The following DERA variants were observed in gnomAD, a reference collection of about 807,000 sequenced individuals.
The protein encoded by DERA is 2-deoxy-D-ribose 5-phosphate aldolase.
Under a neutral mutation model 41.1 loss-of-function variants are expected in DERA, and 15 were observed. The observed-to-expected ratio is 0.37, with a 90% CI of 0.24 to 0.56. DERA has a LOEUF of 0.56. Among genes scored for constraint, DERA ranks in the 20% least tolerant of loss-of-function variants. DERA has a pLI of 0.81. For missense variants in DERA, 396 were observed against 403.4 expected, an observed-to-expected ratio of 0.98 and a Z score of 0.16; for synonymous variants, 139 against 137.4, an observed-to-expected ratio of 1.01 and a Z score of -0.08.
intron 1 of DERA, among the ~76,000 whole-genome samples, chr12:15,949,561 G>A (rs1032136315): frequency 2.0e-5 from 3 of 152,226 alleles, no homozygotes; most frequent in African/African-American, 7.2e-5. Flanking sequence ...CACAGTGTTA[G>A]GGTGGGAGTG....
rs1565588575 is a variant in DERA at position 15,936,880 on chromosome 12, CTTGT to C, written c.32-20055_32-20052del. 4.1e-5 allele frequency among the ~76,000 whole-genome samples: 6 copies of C among 144,660 alleles called. No individual in the cohort carries two copies. The highest frequency in any genetic ancestry group is 1.6e-4 in the African/African-American group (6 of 37,486). The allele number at this position is 144,660 out of a possible 152,430, so 94.9% of individuals were successfully genotyped here. A position where few individuals can be genotyped will look rare whatever the true frequency, so the allele number is the denominator to read the frequency against. On this transcript the variant is annotated intron_variant, in intron 1 of 8. Transcript: ENST00000428559. The surrounding 1 kb of genome is among the most constrained non-coding windows in gnomAD (Gnocchi z 4.6). The stretch of plus-strand genomic sequence containing the variant: ...CTTGTCTTGTCTTGTCTTGTCTTGT[CTTGT>C]CTTGTCCTGTCCTGTCCTGTCCTGT...
intron 6 of DERA, among the ~76,000 whole-genome samples, chr12:16,018,180 G>T (rs1463931317): frequency 6.6e-6 from 1 of 151,902 alleles, no homozygotes; most frequent in African/African-American, 2.4e-5. Context: ...TACTACTTTG[G>T]TCTTAATACT....
Position 16,019,872 on chromosome 12 carries a change from C to T in DERA, c.638-12670C>T, listed in dbSNP as rs556730541. Among the ~76,000 whole-genome samples the T allele has an allele frequency of 6.6e-6, 1 of 152,244 alleles. No individual in the cohort carries two copies. The highest frequency in any genetic ancestry group is 1.9e-4 in the East Asian group (1 of 5,190). ...TGATTCCCAGTGTTAGAGATGGGGCCTGGTGGGAGGGGATTGGATCATGGA... is the reference window on the plus strand; with the variant it reads ...TGATTCCCAGTGTTAGAGATGGGGCTTGGTGGGAGGGGATTGGATCATGGA... On this transcript the variant is annotated intron_variant, in intron 6 of 8. Coordinates refer to ENST00000428559, the MANE Select transcript of DERA (RefSeq NM_015954.4). The surrounding 1 kb of genome is among the most constrained non-coding windows in gnomAD (Gnocchi z 4.4).
intron 6 of DERA, among the ~76,000 whole-genome samples, chr12:16,005,560 A>G (rs1948903782): frequency 6.6e-6 from 1 of 152,214 alleles, no homozygotes. Flanking sequence ...CTGTTAGACA[A>G]TATCTCAATC....
chr12:15,930,530 T>A (rs990089303), intron 1 of DERA, among the ~76,000 whole-genome samples: 2 of 152,162 alleles, frequency 1.3e-5, no homozygotes, highest in African/African-American at 4.8e-5. Context: ...CCTATGACTA[T>A]TTTAGATAAA....
At chr12:16,007,944 G>C (rs1948923820) in intron 6 of DERA, among the ~76,000 whole-genome samples, 1 of 152,196 alleles carries the variant, frequency 6.6e-6, no homozygotes, top group Non-Finnish European at 1.5e-5. Context: ...TCAGCCTGCT[G>C]TGTTCAAGCG....
rs960657278 is a variant in DERA, at chr12:15,985,428, CT to C, written c.637+2995del. The C allele has an allele frequency of 1.3e-5, 2 of 152,144 alleles. No individual in the cohort carries two copies. The highest frequency in any genetic ancestry group is 4.8e-5 in the African/African-American group (2 of 41,444). The allele number at this position is 152,144 out of a possible 1,614,324, so 9.4% of individuals were successfully genotyped here. On this transcript the variant is annotated intron_variant, in intron 6 of 8. Coordinates refer to ENST00000428559, the MANE Select transcript of DERA (RefSeq NM_015954.4). This position sits in a 1 kb window ranked among gnomAD's most constrained non-coding sequence, Gnocchi z 4.2. ...ATCTGTGGGATCTGTAGTTATATCT[CT>C]TTCTTTATTCTTGATATTGGTCATT... is the stretch of plus-strand genomic sequence containing the variant.
rs1948420067 is a variant in DERA, at chr12:15,943,073, CT to C, written c.32-13862del. On this transcript the variant is annotated intron_variant, in intron 1 of 8. Coordinates refer to ENST00000428559, the MANE Select transcript of DERA (RefSeq NM_015954.4). The surrounding 1 kb of genome is among the most constrained non-coding windows in gnomAD (Gnocchi z 4.5). ...GGGGAGAGGGACAGCGATGTCACCC[CT>C]GACAGTGTGTTCTAATCTGTAAACT... Among the ~76,000 whole-genome samples the C allele has an allele frequency of 6.6e-6, 1 of 152,138 alleles. No homozygotes were observed. The highest frequency in any genetic ancestry group is 1.5e-5 in the Non-Finnish European group (1 of 68,028).
intron 1 of DERA, among the ~76,000 whole-genome samples, chr12:15,916,600 G>A (rs913339532): frequency 3.3e-5 from 5 of 151,842 alleles, no homozygotes; most frequent in African/African-American, 4.8e-5. Context: ...ACAGGCATGC[G>A]CCACCATGCC....
intron 5 of DERA, among the ~76,000 whole-genome samples, chr12:15,964,599 A>C (rs1019656778): frequency 2.0e-5 from 3 of 152,218 alleles, no homozygotes; most frequent in Non-Finnish European, 2.9e-5. Context: ...ACTAAGATTT[A>C]AGGCTAGAGT....
At chr12:15,955,666 T>A (rs1484579226) in intron 1 of DERA, among the ~76,000 whole-genome samples, 1 of 152,222 alleles carries the variant, frequency 6.6e-6, no homozygotes. Context: ...TCATTATTAA[T>A]CACTCAGAGT....
chr12:15,950,645 C>A (rs986739341), intron 1 of DERA, among the ~76,000 whole-genome samples: 1 of 152,170 alleles, frequency 6.6e-6, no homozygotes, highest in Non-Finnish European at 1.5e-5. Flanking sequence ...AACACTGTTT[C>A]CCTATATGAT....
intron 6 of DERA, among the ~76,000 whole-genome samples, chr12:15,997,049 C>G (rs1948842978): frequency 6.6e-6 from 1 of 152,094 alleles, no homozygotes; most frequent in Admixed American, 6.5e-5. Context: ...TAGCACAAGC[C>G]AGGAATCAGT....
rs1253556171 is a variant in DERA at position 15,993,887 on chromosome 12, C to T, written c.637+11451C>T. ...GAACTACTGATGGTGTATTTTGGTACATGCATATCCTTTTAAAGAAAAGGT... is the reference window on the plus strand; with the variant it reads ...GAACTACTGATGGTGTATTTTGGTATATGCATATCCTTTTAAAGAAAAGGT... On this transcript the variant is annotated intron_variant, in intron 6 of 8. Coordinates refer to ENST00000428559, the MANE Select transcript of DERA (RefSeq NM_015954.4). This position sits in a 1 kb window ranked among gnomAD's most constrained non-coding sequence, Gnocchi z 4.4. 2.0e-5 allele frequency among the ~76,000 whole-genome samples: 3 copies of T among 152,162 alleles called. No individual in the cohort carries two copies. The highest frequency in any genetic ancestry group is 2.0e-4 in the Admixed American group (3 of 15,284).
At position 15,928,824 on chromosome 12, in the gene DERA, G is replaced by A. The variant is rs570017033; in HGVS notation, c.31+17410G>A. Among the ~76,000 whole-genome samples the A allele has an allele frequency of 3.2e-4, 49 of 152,336 alleles. No homozygotes were observed. Among genetic ancestry groups the A allele is most frequent in the Admixed American group, 8.5e-4 (13 of 15,304 alleles). On this transcript the variant is annotated intron_variant, in intron 1 of 8. Transcript: ENST00000428559. The surrounding 1 kb of genome is among the most constrained non-coding windows in gnomAD (Gnocchi z 4.6). ...GTGCAGTTTAAAATGTTTAACCAAA[G>A]GGAATATTTGGTTGTGGGGAGCCTT...
chr12:16,035,035 T>G lies in DERA; in HGVS notation c.751-1197T>G, dbSNP rs1949118190. ...CTGCTACTGCTTAGTTGTGTGACGT[T>G]GTGTAATTGAGGCAGGGAAACCAGT... On this transcript the variant is annotated intron_variant, in intron 7 of 8. Coordinates refer to ENST00000428559, the MANE Select transcript of DERA (RefSeq NM_015954.4). The surrounding 1 kb of genome is among the most constrained non-coding windows in gnomAD (Gnocchi z 4.1). 6.6e-6 allele frequency among the ~76,000 whole-genome samples: 1 copy of G among 152,192 alleles called. No individual in the cohort carries two copies. Among genetic ancestry groups the G allele is most frequent in the Non-Finnish European group, 1.5e-5 (1 of 68,038 alleles).
rs1398531853 is a variant in DERA at position 15,988,386 on chromosome 12, A to C, written c.637+5950A>C. ...TTCATTAAGCAACAGAACAGCTGTC[A>C]GGAGACCCAAAGCAAGTAGCTCCTT... On this transcript the variant is annotated intron_variant, in intron 6 of 8. Transcript: ENST00000428559. The surrounding 1 kb of genome is among the most constrained non-coding windows in gnomAD (Gnocchi z 6.0). 6.6e-6 allele frequency among the ~76,000 whole-genome samples: 1 copy of C among 152,204 alleles called. No individual in the cohort carries two copies. The highest frequency in any genetic ancestry group is 1.5e-5 in the Non-Finnish European group (1 of 68,028).
Position 15,957,123 on chromosome 12 carries a change from G to T in DERA, c.129+90G>T. The T allele has an allele frequency of 1.1e-6, 1 of 941,606 alleles. No homozygotes were observed. Among genetic ancestry groups the T allele is most frequent in the Admixed American group, 2.0e-5 (1 of 49,324 alleles). 58.3% of individuals were successfully genotyped at this position (941,606 alleles called of 1,614,324 possible). A position where few individuals can be genotyped will look rare whatever the true frequency, so the allele number is the denominator to read the frequency against. On this transcript the variant is annotated intron_variant, in intron 2 of 8. Transcript: ENST00000428559. This position sits in a 1 kb window ranked among gnomAD's most constrained non-coding sequence, Gnocchi z 4.8. ...CACAATATTGAATTTCACTCAAGAT[G>T]CATCTAAACTTAAAAGATTGCAGCT...
intron 6 of DERA, among the ~76,000 whole-genome samples, chr12:16,002,421 C>T (rs555755587): frequency 3.9e-5 from 6 of 152,208 alleles, no homozygotes; most frequent in East Asian, 1.9e-4. Context: ...TACCCTCGCT[C>T]CTCACAGCTG....
Sources: allele counts gnomAD v4.1 joint callset (sites outside exome capture counted in the v4.1 genomes callset), GRCh38; gene constraint gnomAD v4.1.1; non-coding constraint Gnocchi (gnomAD v3.1); transcripts MANE v1.5; gene names NCBI Gene and HGNC (gene_info 2026-07-23, HGNC 2026-07-21).